Variants in ADK observed in about 807,000 individuals in gnomAD.
The protein encoded by ADK is adenosine kinase.
In ADK, 24 loss-of-function variants were observed where a neutral mutation model predicts 44.7. The ratio of observed to expected loss-of-function variants is 0.54; its 90% CI spans 0.39 to 0.76. The LOEUF (loss-of-function observed/expected upper bound fraction) is 0.76. Ranked by LOEUF, ADK falls within the 30% of genes least tolerant of loss-of-function variation. ADK has a pLI of 0.00. For missense variants in ADK, 321 were observed against 425.1 expected (o/e 0.76, Z 2.15); for synonymous variants, 128 against 142.6 (o/e 0.90, Z 0.73).
At chr10:74,481,230 TG>T (rs1847061200) in intron 6 of ADK, among the ~76,000 whole-genome samples, 1 of 152,210 alleles carries the variant, frequency 6.6e-6, no homozygotes, top group Admixed American at 6.5e-5. Context: ...AAGATAAATT[TG>T]GTTTCAGATT....
At chr10:74,339,769 A>G (rs138951603) in intron 4 of ADK, among the ~76,000 whole-genome samples, 50 of 152,348 alleles carry the variant, frequency 3.3e-4, no homozygotes, top group East Asian at 2.5e-3. Context: ...GTGATATTTA[A>G]CAGAGATATG....
At chr10:74,408,467 C>T (rs2132933421) in intron 6 of ADK, among the ~76,000 whole-genome samples, 1 of 152,186 alleles carries the variant, frequency 6.6e-6, no homozygotes, top group East Asian at 1.9e-4. Flanking sequence ...TGATCATAAC[C>T]ATCACTGATA....
chr10:74,376,320 A>G (rs1484289607), intron 4 of ADK, among the ~76,000 whole-genome samples: 3 of 152,170 alleles, frequency 2.0e-5, no homozygotes, highest in Non-Finnish European at 4.4e-5. Context: ...GGAAGAAATA[A>G]CATTTTAGGG....
In ADK at chr10:74,303,961, C is replaced by T. The variant is rs574922127; in HGVS notation, c.195-10706C>T. 7.0e-3 allele frequency among the ~76,000 whole-genome samples: 812 copies of T among 116,638 alleles called. 7 individuals carry two copies. The highest frequency in any genetic ancestry group is 0.021 in the African/African-American group (728 of 34,506). The allele number at this position is 116,638 out of a possible 152,430, so 76.5% of individuals were successfully genotyped here. A position where few individuals can be genotyped will look rare whatever the true frequency, so the allele number is the denominator to read the frequency against. On this transcript the variant is annotated intron_variant, in intron 3 of 10. Transcript: ENST00000539909. ...TCCAGCCTGGGCAACAAGAGTGAAA[C>T]TCTTGTCTCAAAAAAAAAAAAAGGT...
chr10:74,267,754 T>TTTTGTGTGTGTGTGTGTGTGTGTGTGTG (rs1554835954), intron 3 of ADK, among the ~76,000 whole-genome samples: 1 of 132,734 alleles, frequency 7.5e-6, no homozygotes, highest in African/African-American at 2.8e-5. Flanking sequence ...ATATCCTTAT[T>TTTTGTGTGTGTGTGTGTGTGTGTGTGTG]TGTGTGTGTG....
At chr10:74,614,534 C>T (rs2134006517) in intron 9 of ADK, among the ~76,000 whole-genome samples, 1 of 152,226 alleles carries the variant, frequency 6.6e-6, no homozygotes, top group Middle Eastern at 3.4e-3. Flanking sequence ...TAAGAAGCTT[C>T]TCCTTGTGCC....
At chr10:74,657,145 T>C (rs1734961201) in intron 9 of ADK, among the ~76,000 whole-genome samples, 1 of 152,212 alleles carries the variant, frequency 6.6e-6, no homozygotes, top group South Asian at 2.1e-4. Flanking sequence ...CGAGTGTTCC[T>C]CCCACCTTGG....
intron 10 of ADK, among the ~76,000 whole-genome samples, chr10:74,674,404 C>T (rs1451652932): frequency 1.3e-5 from 2 of 152,166 alleles, no homozygotes; most frequent in Non-Finnish European, 2.9e-5. Context: ...GAGGCCAAGG[C>T]AGGCGGATCA....
rs148732994 is a variant in ADK at position 74,455,637 on chromosome 10, G to A, written c.555+57058G>A. ...CAATTCTCCTGCCTCAGCTGCCCTA[G>A]TAGCTGGGACTACAGGTGTGCGCCA... On this transcript the variant is annotated intron_variant, in intron 6 of 10. Coordinates refer to ENST00000539909, the MANE Select transcript of ADK (RefSeq NM_006721.4). 8.5e-5 allele frequency among the ~76,000 whole-genome samples: 13 copies of A among 152,210 alleles called. No individual in the cohort carries two copies. The East Asian group carries it at 2.5e-3, about 29-fold the overall frequency.
chr10:74,425,559 A>G (rs1321393584), intron 6 of ADK, among the ~76,000 whole-genome samples: 1 of 152,102 alleles, frequency 6.6e-6, no homozygotes. Context: ...TCTATTTCAC[A>G]CTATGGCTGA....
intron 9 of ADK, among the ~76,000 whole-genome samples, chr10:74,617,130 G>T (rs1377928857): frequency 1.3e-5 from 2 of 152,060 alleles, no homozygotes; most frequent in Non-Finnish European, 2.9e-5. Context: ...AAAATAATTT[G>T]CATTTCTGCT....
intron 6 of ADK, among the ~76,000 whole-genome samples, chr10:74,464,057 CAT>C (rs1264644959): frequency 2.6e-4 from 40 of 152,212 alleles, no homozygotes; most frequent in African/African-American, 5.5e-4. Flanking sequence ...TTCCTGTACA[CAT>C]GTTACTTGTG....
intron 10 of ADK, among the ~76,000 whole-genome samples, chr10:74,698,171 A>G (rs918336628): frequency 2.0e-5 from 3 of 152,214 alleles, no homozygotes; most frequent in African/African-American, 7.2e-5. Flanking sequence ...CGTCTCCTAA[A>G]GCTGGGAAAA....
intron 9 of ADK, among the ~76,000 whole-genome samples, chr10:74,621,170 TTA>T (rs1377138742): frequency 2.6e-5 from 4 of 152,204 alleles, no homozygotes; most frequent in Non-Finnish European, 4.4e-5. Context: ...AGTGTTTCCC[TTA>T]TGTTTCCTTC....
chr10:74,698,669 C>T (rs1856295228), intron 10 of ADK, among the ~76,000 whole-genome samples: 1 of 152,098 alleles, frequency 6.6e-6, no homozygotes. Flanking sequence ...CCTCCCACCT[C>T]AGCCTCCTGA....
chr10:74,615,277 T>A (rs971332203), intron 9 of ADK, among the ~76,000 whole-genome samples: 3 of 152,232 alleles, frequency 2.0e-5, no homozygotes, highest in African/African-American at 7.2e-5. Flanking sequence ...CCACTCATTA[T>A]GGTTACATTA....
chr10:74,464,890 C>T (rs10762624), intron 6 of ADK, among the ~76,000 whole-genome samples: 92,203 of 151,756 alleles, frequency 0.61, 30,370 homozygotes, highest in Middle Eastern at 0.78. Context: ...TTTTGAAATG[C>T]ACTTAATGTA....
At chr10:74,637,951 A>G (rs1485690159) in intron 9 of ADK, among the ~76,000 whole-genome samples, 1 of 152,190 alleles carries the variant, frequency 6.6e-6, no homozygotes, top group Non-Finnish European at 1.5e-5. Context: ...AGTGCAGTTT[A>G]TTGTATGTCA....
chr10:74,530,391 A>G (rs1486285842), intron 7 of ADK: 1 of 152,186 alleles, frequency 6.6e-6, no homozygotes, highest in African/African-American at 2.4e-5. Flanking sequence ...CTCAGCTAAA[A>G]TCAAACACAC....
Sources: gnomAD v4.1 joint callset for allele counts (sites outside exome capture counted in the v4.1 genomes callset) on GRCh38, gnomAD v4.1.1 for gene constraint, MANE v1.5 for transcripts, NCBI Gene and HGNC (gene_info 2026-07-23, HGNC 2026-07-21) for gene names.